Variants in ZNF407 observed in about 807,000 individuals in gnomAD.
ZNF407 encodes zinc finger protein 407.
In ZNF407, 17 loss-of-function variants were observed where a neutral mutation model predicts 131.2. The observed-to-expected ratio is 0.13, with a 90% CI of 0.09 to 0.19. The LOEUF is 0.19. Among genes scored for constraint, ZNF407 ranks in the 10% least tolerant of loss-of-function variants. The pLI, the probability that ZNF407 is intolerant of heterozygous loss-of-function variation, is 1.00. For synonymous variants in ZNF407, 1,156 were observed against 1,062.0 expected, an observed-to-expected ratio of 1.09 and a Z score of -1.72; for missense variants, 2,681 against 2,830.6, an observed-to-expected ratio of 0.95 and a Z score of 1.20.
intron 3 of ZNF407, among the ~76,000 whole-genome samples, chr18:74,672,515 C>T (rs940732297): frequency 6.9e-6 from 1 of 145,810 alleles, no homozygotes; most frequent in Non-Finnish European, 1.5e-5. Flanking sequence ...TGTCTCTGTT[C>T]GTTGGAGCAC....
chr18:74,706,940 C>CCTTTTTTTTTTTTTTT (rs1967637808), intron 3 of ZNF407, among the ~76,000 whole-genome samples: 5 of 132,350 alleles, frequency 3.8e-5, no homozygotes, highest in Non-Finnish European at 8.0e-5. Flanking sequence ...AAGACAGCAG[C>CCTTTTTTTTTTTTTTT]TTTTTTTTTT....
chr18:74,976,033 A>C lies in ZNF407; in HGVS notation c.5428+55341A>C, dbSNP rs535616755. On this transcript the variant is annotated intron_variant, in intron 8 of 8. Coordinates refer to ENST00000299687, the MANE Select transcript of ZNF407 (RefSeq NM_017757.3). ...ACTAAATTTAAAATATTTCCCATGT[A>C]AATGTATAATCTGGTCGTAATATTT... Among the ~76,000 whole-genome samples the C allele has an allele frequency of 1.5e-4, 23 of 152,312 alleles. No individual in the cohort carries two copies. The East Asian group carries it at 4.0e-3, about 27-fold the overall frequency.
intron 4 of ZNF407, among the ~76,000 whole-genome samples, chr18:74,789,647 A>G (rs961855283): frequency 1.3e-5 from 2 of 152,154 alleles, no homozygotes; most frequent in East Asian, 1.9e-4. Context: ...GCCCAGGGAA[A>G]GAGCCTGGGC....
chr18:74,740,472 T>A (rs963130532), intron 3 of ZNF407, among the ~76,000 whole-genome samples: 1 of 152,198 alleles, frequency 6.6e-6, no homozygotes, highest in African/African-American at 2.4e-5. Context: ...GCACAGTACA[T>A]ATGTGTACAC....
chr18:74,650,953 C>CTATA, intron 3 of ZNF407, among the ~76,000 whole-genome samples: 1 of 152,068 alleles, frequency 6.6e-6, no homozygotes. Flanking sequence ...ATCTATCTAT[C>CTATA]TATATATAAA....
chr18:74,622,984 ATG>A (rs1303863813), intron 1 of ZNF407, among the ~76,000 whole-genome samples: 3 of 151,124 alleles, frequency 2.0e-5, no homozygotes, highest in African/African-American at 2.4e-5. Context: ...GTCAGTGTGA[ATG>A]TGAGTCCGTG....
At chr18:74,942,603 A>G (rs1235916254) in intron 8 of ZNF407, among the ~76,000 whole-genome samples, 2 of 152,164 alleles carry the variant, frequency 1.3e-5, no homozygotes, top group South Asian at 2.1e-4. Context: ...CGTGCTTTTT[A>G]TAAGGCAGTT....
chr18:74,945,098 A>G (rs1972140543), intron 8 of ZNF407, among the ~76,000 whole-genome samples: 1 of 152,334 alleles, frequency 6.6e-6, no homozygotes, highest in Non-Finnish European at 1.5e-5. Flanking sequence ...GAGATAAGAC[A>G]GTTTATGAAT....
chr18:74,831,886 C>T (rs199947602), intron 4 of ZNF407, among the ~76,000 whole-genome samples: 2 of 152,160 alleles, frequency 1.3e-5, no homozygotes, highest in African/African-American at 2.4e-5. Flanking sequence ...TCCCACCCTC[C>T]GTGTGCTGTG....
intron 8 of ZNF407, among the ~76,000 whole-genome samples, chr18:75,052,035 G>A (rs957866293): frequency 1.3e-5 from 2 of 152,166 alleles, no homozygotes; most frequent in Non-Finnish European, 2.9e-5. Flanking sequence ...CTCTGGGGAA[G>A]ACCTTTGGAT....
At chr18:74,880,604 G>C (rs1458656111) in intron 5 of ZNF407, among the ~76,000 whole-genome samples, 1 of 152,178 alleles carries the variant, frequency 6.6e-6, no homozygotes, top group African/African-American at 2.4e-5. Flanking sequence ...ATATCCTTAA[G>C]TTGCTGGAAA....
At chr18:74,666,355 A>G (rs1180871556) in intron 3 of ZNF407, among the ~76,000 whole-genome samples, 1 of 152,082 alleles carries the variant, frequency 6.6e-6, no homozygotes, top group African/African-American at 2.4e-5. Flanking sequence ...GGTGGGCCCG[A>G]GGTTCCTGGG....
chr18:74,633,509 T>A lies in ZNF407; in HGVS notation c.2490T>A (p.Asp830Glu). 1.2e-6 allele frequency: 2 copies of A among 1,613,888 alleles called. No homozygotes were observed. Among genetic ancestry groups the A allele is most frequent in the Non-Finnish European group, 1.7e-6 (2 of 1,179,812 alleles). ...CACAGTCTGGTGGTAGCACCAAAGA[T>A]GATGAATTAGCTTCAACCACTACTC... ...ELSQSGGSTKDDELASTTTPK... is the reference protein window; with the variant it reads ...ELSQSGGSTKEDELASTTTPK... Residue 830 changes from aspartate (D) to glutamate (E), a missense_variant, in exon 2 of 9, where the codon GAT (aspartate) becomes GAA (glutamate). By Grantham distance (45) the Asp-to-Glu change is conservative. Coordinates refer to ENST00000299687, the MANE Select transcript of ZNF407 (RefSeq NM_017757.3).
rs528509668 is a variant in ZNF407 at position 74,917,985 on chromosome 18, G to A, written c.5250-2529G>A. On this transcript the variant is annotated intron_variant, in intron 7 of 8. Transcript: ENST00000299687. The stretch of plus-strand genomic sequence containing the variant: ...GTGTCTGTAATGCTGTAGAAAACAT[G>A]TTGGAGATCTGCAGAATTAAGGGGG... Among the ~76,000 whole-genome samples, 43 of 152,300 alleles carry A rather than the reference G, an allele frequency of 2.8e-4. No homozygotes were observed. The South Asian group carries it at 8.3e-3, about 29-fold the overall frequency.
Position 74,631,304 on chromosome 18 carries a change from A to G in ZNF407, c.285A>G (p.Glu95=). 2 of 1,614,032 alleles carry G rather than the reference A, an allele frequency of 1.2e-6. No homozygotes were observed. The highest frequency in any genetic ancestry group is 8.5e-7 in the Non-Finnish European group (1 of 1,179,890). The change falls in exon 2 of 9, where the codon GAA becomes GAG. Residue 95 remains glutamate (E), a synonymous_variant. Coordinates refer to ENST00000299687, the MANE Select transcript of ZNF407 (RefSeq NM_017757.3). Reference sequence around the variant, plus strand: ...GAAAGCAAGGTATTTGTAGATTAGAAACTTCTGAGAGCTCAGTCACAGAAG... The same window carrying G: ...GAAAGCAAGGTATTTGTAGATTAGAGACTTCTGAGAGCTCAGTCACAGAAG... ...KSGKQGICRL[E]TSESSVTEGG...
Position 74,924,060 on chromosome 18 carries a change from C to G in ZNF407, c.5428+3368C>G, listed in dbSNP as rs112916138. Among the ~76,000 whole-genome samples, 134 of 152,286 alleles carry G rather than the reference C, an allele frequency of 8.8e-4. 1 individual carries two copies. Among genetic ancestry groups the G allele is most frequent in the African/African-American group, 3.2e-3 (131 of 41,570 alleles). On this transcript the variant is annotated intron_variant, in intron 8 of 8. Coordinates refer to ENST00000299687, the MANE Select transcript of ZNF407 (RefSeq NM_017757.3). Reference sequence around the variant, plus strand: ...ACAAGCAGCAGTGTGAAGTAAGTCTCACAGTCTTATCACTGGATGAACCAA... The same window carrying G: ...ACAAGCAGCAGTGTGAAGTAAGTCTGACAGTCTTATCACTGGATGAACCAA...
At chr18:74,926,353 A>G (rs1032392949) in intron 8 of ZNF407, among the ~76,000 whole-genome samples, 1 of 152,218 alleles carries the variant, frequency 6.6e-6, no homozygotes, top group Non-Finnish European at 1.5e-5. Flanking sequence ...TGTTTGCAGT[A>G]ATGTAATTGG....
At chr18:75,018,720 A>G (rs898124454) in intron 8 of ZNF407, among the ~76,000 whole-genome samples, 10 of 152,140 alleles carry the variant, frequency 6.6e-5, no homozygotes, top group African/African-American at 2.2e-4. Flanking sequence ...AAGTTAAGCT[A>G]TGTAATTTAA....
At chr18:75,043,809 T>C (rs1376280127) in intron 8 of ZNF407, among the ~76,000 whole-genome samples, 6 of 152,198 alleles carry the variant, frequency 3.9e-5, no homozygotes, top group African/African-American at 1.4e-4. Flanking sequence ...AGTCCTGCAT[T>C]ACAGGGTTGA....
Sources: gnomAD v4.1 joint callset for allele counts (sites outside exome capture counted in the v4.1 genomes callset) on GRCh38, gnomAD v4.1.1 for gene constraint, MANE v1.5 for transcripts, NCBI Gene and HGNC (gene_info 2026-07-23, HGNC 2026-07-21) for gene names.